The following RAB27B variants were observed in gnomAD, a reference collection of about 807,000 sequenced individuals.
The protein encoded by RAB27B is RAB27B, member RAS oncogene family.
Under a neutral mutation model 24.6 loss-of-function variants are expected in RAB27B, and 15 were observed. The observed-to-expected ratio is 0.61, with a 90% CI of 0.41 to 0.94. RAB27B has a LOEUF of 0.94. Among genes scored for constraint, RAB27B ranks in the 40% least tolerant of loss-of-function variants. The probability of loss-of-function intolerance (pLI) is 0.00; values close to 1 mark genes in which losing one functional copy is unlikely to be tolerated. For missense variants in RAB27B, 261 were observed against 266.8 expected, an observed-to-expected ratio of 0.98 and a Z score of 0.15; for synonymous variants, 105 against 92.5, an observed-to-expected ratio of 1.14 and a Z score of -0.78.
chr18:54,724,091 G>A (rs1349245522), intron 2 of RAB27B, among the ~76,000 whole-genome samples: 5 of 144,520 alleles, frequency 3.5e-5, no homozygotes, highest in East Asian at 3.9e-4. Flanking sequence ...GGAGTATCAC[G>A]TGTGTAAATG....
At chr18:54,877,060 C>A (rs1912731847) in intron 1 of RAB27B, among the ~76,000 whole-genome samples, 1 of 152,134 alleles carries the variant, frequency 6.6e-6, no homozygotes, top group Non-Finnish European at 1.5e-5. Context: ...TAATTTAATC[C>A]TGGGGGCATT....
intron 2 of RAB27B, among the ~76,000 whole-genome samples, chr18:54,740,707 T>C (rs1910044870): frequency 6.6e-6 from 1 of 152,190 alleles, no homozygotes; most frequent in Admixed American, 6.5e-5. Context: ...GCAAGTCTCT[T>C]AAAAGTTCTG....
intron 2 of RAB27B, among the ~76,000 whole-genome samples, chr18:54,782,572 T>G (rs1410186417): frequency 2.0e-5 from 3 of 152,246 alleles, no homozygotes; most frequent in African/African-American, 7.2e-5. Context: ...TTCTGATATA[T>G]TTGTGTCATT....
intron 2 of RAB27B, among the ~76,000 whole-genome samples, chr18:54,743,246 A>G (rs1972598): frequency 0.45 from 68,130 of 152,054 alleles, 17,147 homozygotes; most frequent in Middle Eastern, 0.58. Context: ...TTATGTCACT[A>G]TATTAACATA....
intron 2 of RAB27B, 61 bp downstream of exon 2, chr18:54,877,799 A>G: frequency 6.8e-7 from 1 of 1,478,988 alleles, no homozygotes. Context: ...ATAAGAATCA[A>G]GAAGCTATGT....
At chr18:54,826,890 C>T (rs147472689), upstream of RAB27B, among the ~76,000 whole-genome samples, 156 of 152,272 alleles carry the variant, frequency 1.0e-3, no homozygotes, top group Middle Eastern at 3.4e-3. Flanking sequence ...TGAGATGAAA[C>T]TCTATTGCAT....
intron 2 of RAB27B, among the ~76,000 whole-genome samples, chr18:54,752,915 G>A (rs1039208165): frequency 6.6e-6 from 1 of 152,128 alleles, no homozygotes; most frequent in African/African-American, 2.4e-5. Context: ...AAGGAGGTGA[G>A]ATCTGTAGCA....
intron 1 of RAB27B, among the ~76,000 whole-genome samples, chr18:54,860,316 A>G (rs564541824): frequency 4.2e-4 from 64 of 152,250 alleles, no homozygotes; most frequent in African/African-American, 1.2e-3. Context: ...CCATGATACC[A>G]TTGACAACAA....
intron 2 of RAB27B, among the ~76,000 whole-genome samples, chr18:54,728,358 T>C (rs1009600142): frequency 4.6e-5 from 7 of 152,178 alleles, no homozygotes; most frequent in Non-Finnish European, 1.0e-4. Context: ...GTTTTTGTTA[T>C]CTTTTACTCT....
At chr18:54,865,388 A>G (rs1261440364) in intron 1 of RAB27B, among the ~76,000 whole-genome samples, 2 of 152,150 alleles carry the variant, frequency 1.3e-5, no homozygotes, top group Non-Finnish European at 2.9e-5. Flanking sequence ...GTCTGGGGAA[A>G]TAACCATGAA....
intron 2 of RAB27B, among the ~76,000 whole-genome samples, chr18:54,750,047 T>C (rs1356165029): frequency 3.3e-5 from 5 of 152,214 alleles, no homozygotes; most frequent in Non-Finnish European, 7.3e-5. Flanking sequence ...TCAACAATTC[T>C]GTACTTGAAC....
intron 2 of RAB27B, among the ~76,000 whole-genome samples, chr18:54,770,071 C>G (rs1369950780): frequency 6.6e-6 from 1 of 151,904 alleles, no homozygotes; most frequent in Non-Finnish European, 1.5e-5. Context: ...TCTCAAACTC[C>G]CAACCTTAAG....
chr18:54,717,918 C>T (rs1437953971), exon 1 of RAB27B: 1 of 152,206 alleles, frequency 6.6e-6, no homozygotes, highest in Non-Finnish European at 1.5e-5. Context: ...ATCCTTCCCC[C>T]TTCTGTTCGA....
chr18:54,809,494 A>G (rs1175911556), intron 2 of RAB27B, among the ~76,000 whole-genome samples: 2 of 152,204 alleles, frequency 1.3e-5, no homozygotes, highest in Non-Finnish European at 2.9e-5. Context: ...AAACTGGAGC[A>G]CAGACTAGGT....
upstream of RAB27B, among the ~76,000 whole-genome samples, chr18:54,827,452 A>G (rs1046549525): frequency 3.3e-5 from 5 of 152,230 alleles, no homozygotes; most frequent in African/African-American, 1.2e-4. Context: ...ACAGATTTCT[A>G]TGAGACCAAA....
chr18:54,800,691 G>A (rs1351028526), intron 2 of RAB27B, among the ~76,000 whole-genome samples: 1 of 152,026 alleles, frequency 6.6e-6, no homozygotes, highest in African/African-American at 2.4e-5. Context: ...CTTTGTTCCT[G>A]CTTACCTTCC....
chr18:54,861,408 C>T (rs1376918873), intron 1 of RAB27B, among the ~76,000 whole-genome samples: 1 of 152,156 alleles, frequency 6.6e-6, no homozygotes, highest in Non-Finnish European at 1.5e-5. Context: ...GATGGATTAT[C>T]TGCTTCACTG....
At chr18:54,869,311 A>G (rs1406922317) in intron 1 of RAB27B, among the ~76,000 whole-genome samples, 1 of 152,222 alleles carries the variant, frequency 6.6e-6, no homozygotes, top group East Asian at 1.9e-4. Context: ...GAATGTATCA[A>G]TATTAGTAAA....
At chr18:54,729,826 C>T (rs552658225) in intron 2 of RAB27B, among the ~76,000 whole-genome samples, 2 of 152,056 alleles carry the variant, frequency 1.3e-5, no homozygotes, top group South Asian at 4.2e-4. Context: ...TTATGTGCTT[C>T]TTATAAGAGA....
Sources: gnomAD v4.1 joint callset for allele counts (sites outside exome capture counted in the v4.1 genomes callset) on GRCh38, gnomAD v4.1.1 for gene constraint, MANE v1.5 for transcripts, NCBI Gene and HGNC (gene_info 2026-07-23, HGNC 2026-07-21) for gene names.